The following CDH22 variants were observed in gnomAD, a reference collection of about 807,000 sequenced individuals.
The protein encoded by CDH22 is cadherin-22.
In CDH22, 30 loss-of-function variants were observed where a neutral mutation model predicts 58.4. The ratio of observed to expected loss-of-function variants is 0.51; its 90% CI spans 0.38 to 0.70. CDH22 has a LOEUF of 0.70. Ranked by LOEUF, CDH22 falls within the 30% of genes least tolerant of loss-of-function variation. The pLI, the probability that CDH22 is intolerant of heterozygous loss-of-function variation, is 0.00. For missense variants in CDH22, 1,014 were observed against 1,233.9 expected (o/e 0.82, Z 2.67); for synonymous variants, 513 against 558.2 (o/e 0.92, Z 1.14).
rs780574886 is a variant in CDH22 at position 46,213,132 on chromosome 20, C to T, written c.895G>A (p.Val299Met). The T allele has an allele frequency of 5.0e-6, 8 of 1,614,076 alleles. No individual in the cohort carries two copies. Among genetic ancestry groups the T allele is most frequent in the Non-Finnish European group, 6.8e-6 (8 of 1,180,024 alleles). ...CCCACGTCTGAGTCCTCAGCCTTCACACGTCCCACAGCCGTTCCAATGGGG... is the reference window on the plus strand; with the variant it reads ...CCCACGTCTGAGTCCTCAGCCTTCATACGTCCCACAGCCGTTCCAATGGGG... Reference protein sequence around the residue: ...SAPIGTAVGRVKAEDSDVGEN... With the variant: ...SAPIGTAVGRMKAEDSDVGEN... Residue 299 changes from valine to methionine, a missense_variant, in exon 6 of 12, where the codon GTG becomes ATG. Around this residue, in one of 2 missense-constraint regions of CDH22, gnomAD observed 806 missense variants for 1,038.7 expected, o/e 0.78. Transcript: ENST00000537909.
chr20:46,186,233 G>A (rs1442727451), intron 10 of CDH22, among the ~76,000 whole-genome samples: 1 of 150,362 alleles, frequency 6.7e-6, no homozygotes, highest in Non-Finnish European at 1.5e-5. Context: ...CAAATAAAAA[G>A]CCAGAAACCT....
rs770386578 is a variant in CDH22, at chr20:46,216,984, C to T, written c.680G>A (p.Arg227Gln). The T allele has an allele frequency of 7.5e-6, 12 of 1,590,274 alleles. No individual in the cohort carries two copies. Among genetic ancestry groups the T allele is most frequent in the South Asian group, 3.3e-5 (3 of 90,616 alleles). Reference protein sequence around the residue: ...FTVDPKTGVIRTAVPDLDRES... With the variant: ...FTVDPKTGVIQTAVPDLDRES... ...GCGGTCAAGGTCAGGCACAGCCGTC[C>T]GGATTACGCCTGTGGGTGAGTGAGG... The change falls in exon 5 of 12, where the codon CGG becomes CAG. Residue 227 changes from arginine to glutamine, a missense_variant. Physicochemically the swap from Arg to Gln is conservative, Grantham distance 43. Transcript: ENST00000537909. This position sits in a 1 kb window ranked among gnomAD's most constrained non-coding sequence, Gnocchi z 5.3.
At chr20:46,192,944 G>A (rs111946784) in intron 8 of CDH22, among the ~76,000 whole-genome samples, 6,382 of 152,146 alleles carry the variant, frequency 0.042, 163 homozygotes, top group Middle Eastern at 0.16. Context: ...AGGAGGCTCA[G>A]GTGCCCTTCT....
intron 1 of CDH22, among the ~76,000 whole-genome samples, chr20:46,270,965 C>T (rs1041106658): frequency 1.3e-5 from 2 of 152,144 alleles, no homozygotes; most frequent in Non-Finnish European, 1.5e-5. Context: ...ATCCCAGGTT[C>T]GTTGTGAAGC....
intron 1 of CDH22, among the ~76,000 whole-genome samples, chr20:46,280,829 T>G (rs1219858091): frequency 6.6e-6 from 1 of 152,208 alleles, no homozygotes; most frequent in Non-Finnish European, 1.5e-5. Flanking sequence ...CTGCTCTCTT[T>G]CCCTCTTCCA....
chr20:46,209,963 A>T, intron 7 of CDH22: 2 of 246,886 alleles, frequency 8.1e-6, no homozygotes, highest in Non-Finnish European at 1.5e-5. Flanking sequence ...GGGCACAGGG[A>T]TGGCCCAGTC....
At chr20:46,225,122 C>T (rs942740929) in intron 4 of CDH22, among the ~76,000 whole-genome samples, 5 of 152,226 alleles carry the variant, frequency 3.3e-5, no homozygotes, top group Non-Finnish European at 5.9e-5. Flanking sequence ...TACTCTCACA[C>T]GTGGCTCACG....
At chr20:46,223,287 C>T (rs1032634056) in intron 4 of CDH22, among the ~76,000 whole-genome samples, 2 of 152,132 alleles carry the variant, frequency 1.3e-5, no homozygotes, top group African/African-American at 4.8e-5. Flanking sequence ...CATGTCCTCC[C>T]CACTCTCTGA....
intron 3 of CDH22, among the ~76,000 whole-genome samples, chr20:46,238,552 C>T (rs1221337630): frequency 1.3e-5 from 2 of 152,200 alleles, no homozygotes; most frequent in Non-Finnish European, 2.9e-5. Context: ...AAACTTCACG[C>T]CAAACTCCTA....
intron 1 of CDH22, among the ~76,000 whole-genome samples, chr20:46,278,261 T>C (rs2086530832): frequency 6.6e-6 from 1 of 152,204 alleles, no homozygotes. Flanking sequence ...AGCCTGGGCT[T>C]GCAGGCCCTT....
chr20:46,178,055 G>A lies in CDH22; in HGVS notation c.1806C>T (p.Cys602=), dbSNP rs763398311. The A allele has an allele frequency of 1.2e-5, 19 of 1,613,494 alleles. No homozygotes were observed. The East Asian group carries it at 1.3e-4, about 11-fold the overall frequency. The change falls in exon 11 of 12, where the codon TGC becomes TGT. Residue 602 remains cysteine, a synonymous_variant. Transcript: ENST00000537909. ...AGGACTGGATGGTGCCGGAGCTGTC[G>A]CAGCCACAGATGCGGATGGTGAGCG... The part of the protein sequence containing the change: ...TGTLTIRICG[C]DSSGTIQSCN...
intron 1 of CDH22, among the ~76,000 whole-genome samples, chr20:46,268,658 C>T (rs1053408824): frequency 6.6e-6 from 1 of 152,196 alleles, no homozygotes; most frequent in African/African-American, 2.4e-5. Context: ...CCAGCACGGC[C>T]GGCCGCTTTC....
intron 1 of CDH22, among the ~76,000 whole-genome samples, chr20:46,306,603 G>C (rs2086679087): frequency 6.6e-6 from 1 of 152,248 alleles, no homozygotes; most frequent in Non-Finnish European, 1.5e-5. Flanking sequence ...AGGAATGGAA[G>C]AGGAGTGTCC....
rs143897599 is a variant in CDH22, at chr20:46,186,904, G to A, written c.1467C>T (p.Ile489=). 3.9e-5 allele frequency: 63 copies of A among 1,611,598 alleles called. No homozygotes were observed. The African/African-American group carries it at 6.7e-4, about 17-fold the overall frequency. The part of the protein sequence containing the change: ...QLSRASLRIR[I]LDVNDNPPEL... ...CTGGGGGATTGTCGTTCACATCCAG[G>A]ATTCGGATCCTTAGGGATGCCCGGG... is the stretch of plus-strand genomic sequence containing the variant. The change falls in exon 9 of 12, where the codon ATC becomes ATT. Residue 489 remains isoleucine, a synonymous_variant. Transcript: ENST00000537909.
chr20:46,181,956 A>T (rs367711970), intron 10 of CDH22, among the ~76,000 whole-genome samples: 69 of 151,614 alleles, frequency 4.6e-4, no homozygotes, highest in African/African-American at 1.6e-3. Flanking sequence ...AGCTGGGATT[A>T]CAGGCGTCTG....
rs1369084247 is a variant in CDH22, at chr20:46,174,596, G to C, written c.2397C>G (p.Phe799Leu). 1 of 1,534,990 alleles carries C rather than the reference G, an allele frequency of 6.5e-7. No homozygotes were observed. The highest frequency in any genetic ancestry group is 8.7e-7 in the Non-Finnish European group (1 of 1,145,588). ...GCGGACCCCAGCTGCTGAGATAGGC[G>C]AAGTCCTGCTCGGAGCCCGACGAGC... ...HSGSSGSEQD[F>L]AYLSSWGPRF... The change falls in exon 12 of 12, where the codon TTC becomes TTG. Residue 799 changes from phenylalanine to leucine, a missense_variant. By Grantham distance (22) the Phe-to-Leu change is conservative. Around this residue, in one of 2 missense-constraint regions of CDH22, gnomAD observed 208 missense variants for 195.2 expected, o/e 1.07. Transcript: ENST00000537909. This position sits in a 1 kb window ranked among gnomAD's most constrained non-coding sequence, Gnocchi z 4.4.
intron 1 of CDH22, among the ~76,000 whole-genome samples, chr20:46,283,893 A>C (rs993544336): frequency 6.6e-6 from 1 of 152,190 alleles, no homozygotes; most frequent in South Asian, 2.1e-4. Flanking sequence ...GGATCCCACC[A>C]CAGCCAAATG....
At chr20:46,202,279 C>G (rs2085966768) in intron 7 of CDH22, among the ~76,000 whole-genome samples, 1 of 152,044 alleles carries the variant, frequency 6.6e-6, no homozygotes, top group Non-Finnish European at 1.5e-5. Context: ...TGCCGATGCC[C>G]TGCTCAAGGG....
At chr20:46,274,273 T>C (rs1030190537) in intron 1 of CDH22, among the ~76,000 whole-genome samples, 1 of 152,042 alleles carries the variant, frequency 6.6e-6, no homozygotes. Context: ...CTCTGCTCCT[T>C]TCTGGGGCTG....
Sources: allele counts gnomAD v4.1 joint callset (sites outside exome capture counted in the v4.1 genomes callset), GRCh38; gene constraint gnomAD v4.1.1; regional missense constraint gnomAD v4.1.1; non-coding constraint Gnocchi (gnomAD v3.1); transcripts MANE v1.5; gene names NCBI Gene and HGNC (gene_info 2026-07-23, HGNC 2026-07-21).